UBE2E1: variants seen among roughly 807,000 people sequenced by gnomAD.
The protein encoded by UBE2E1 is ubiquitin conjugating enzyme E2 E1, also known as ubiquitin-conjugating enzyme E2 E1.
In UBE2E1, 6 loss-of-function variants were observed where a neutral mutation model predicts 21.4. That is an observed-to-expected ratio of 0.28 (90% confidence interval 0.15 to 0.55). The LOEUF is 0.55. UBE2E1 is among the 20% of genes least tolerant of loss of function. The pLI is 0.93. For missense variants in UBE2E1, 142 were observed against 236.5 expected, an observed-to-expected ratio of 0.60 and a Z score of 2.62; for synonymous variants, 87 against 82.7, an observed-to-expected ratio of 1.05 and a Z score of -0.28.
At chr3:23,878,883 A>T (rs1418118922) in intron 3 of UBE2E1, 3 of 335,856 alleles carry the variant, frequency 8.9e-6, no homozygotes, top group African/African-American at 6.5e-5. Flanking sequence ...AATAAATACA[A>T]TGCACTTGAA....
rs528124392 is a variant in UBE2E1 at position 23,842,725 on chromosome 3, G to A, written c.203+31215G>A. Among the ~76,000 whole-genome samples the A allele has an allele frequency of 5.3e-5, 8 of 152,222 alleles. No individual in the cohort carries two copies. The South Asian group carries it at 1.7e-3, about 32-fold the overall frequency. ...TCGGTTTTTAAAAATTTTAATTTTG[G>A]TTTTTGAAGTCACACATAAGTTTTT... On this transcript the variant is annotated intron_variant, in intron 3 of 5. Coordinates refer to ENST00000306627, the MANE Select transcript of UBE2E1 (RefSeq NM_003341.5). This position sits in a 1 kb window ranked among gnomAD's most constrained non-coding sequence, Gnocchi z 4.6.
At position 23,810,762 on chromosome 3, in the gene UBE2E1, C is replaced by T. The variant is rs1382558380; in HGVS notation, c.153-698C>T. ...CGGGCACCCTGTTCCCCTCCCCCGC[C>T]CGCAACTTCACCGGCGCGGCGCGAG... On this transcript the variant is annotated intron_variant, in intron 2 of 5. Transcript: ENST00000306627. The surrounding 1 kb of genome is among the most constrained non-coding windows in gnomAD (Gnocchi z 5.8). 3.6e-6 allele frequency: 1 copy of T among 276,632 alleles called. No individual in the cohort carries two copies. Among genetic ancestry groups the T allele is most frequent in the East Asian group, 6.2e-5 (1 of 16,210 alleles). The allele number at this position is 276,632 out of a possible 1,614,324, so 17.1% of individuals were successfully genotyped here.
At chr3:23,809,477 C>T (rs1699341616) in intron 2 of UBE2E1, among the ~76,000 whole-genome samples, 1 of 152,144 alleles carries the variant, frequency 6.6e-6, no homozygotes, top group Non-Finnish European at 1.5e-5. Flanking sequence ...GGTTTCTAAA[C>T]CGTGGGTAGA....
chr3:23,829,179 A>G (rs567595194), intron 3 of UBE2E1, among the ~76,000 whole-genome samples: 17 of 151,176 alleles, frequency 1.1e-4, no homozygotes, highest in Non-Finnish European at 2.2e-4. Context: ...AAAAAAAAAA[A>G]AGAGAGGGCC....
At chr3:23,880,690 A>G (rs1701017893) in intron 3 of UBE2E1, among the ~76,000 whole-genome samples, 1 of 152,240 alleles carries the variant, frequency 6.6e-6, no homozygotes, top group Admixed American at 6.5e-5. Context: ...AGTAGTCTGT[A>G]ATAAGTCTGT....
In UBE2E1 at chr3:23,810,793, G is replaced by A. The variant is rs1699372507; in HGVS notation, c.153-667G>A. 1 of 218,212 alleles carries A rather than the reference G, an allele frequency of 4.6e-6. No individual in the cohort carries two copies. Among genetic ancestry groups the A allele is most frequent in the Non-Finnish European group, 8.9e-6 (1 of 111,916 alleles). The allele number at this position is 218,212 out of a possible 1,614,324, so 13.5% of individuals were successfully genotyped here. ...CTTCACCGGCGCGGCGCGAGCCGTC[G>A]GGGGCGCGCGCGGGGTGGGGGCGGC... is the stretch of plus-strand genomic sequence containing the variant. On this transcript the variant is annotated intron_variant, in intron 2 of 5. Coordinates refer to ENST00000306627, the MANE Select transcript of UBE2E1 (RefSeq NM_003341.5). The surrounding 1 kb of genome is among the most constrained non-coding windows in gnomAD (Gnocchi z 5.8).
rs1354077774 is a variant in UBE2E1, at chr3:23,842,506, A to G, written c.203+30996A>G. ...GAATATACCTTTTTATTTTATTATC[A>G]TTTGCTATAAATATCACTAAACTTT... On this transcript the variant is annotated intron_variant, in intron 3 of 5. Coordinates refer to ENST00000306627, the MANE Select transcript of UBE2E1 (RefSeq NM_003341.5). The surrounding 1 kb of genome is among the most constrained non-coding windows in gnomAD (Gnocchi z 4.6). Among the ~76,000 whole-genome samples the G allele has an allele frequency of 6.6e-6, 1 of 151,972 alleles. No homozygotes were observed. Among genetic ancestry groups the G allele is most frequent in the Non-Finnish European group, 1.5e-5 (1 of 68,002 alleles).
chr3:23,817,213 C>T (rs148090481), intron 3 of UBE2E1, among the ~76,000 whole-genome samples: 3 of 152,084 alleles, frequency 2.0e-5, no homozygotes, highest in Non-Finnish European at 4.4e-5. Flanking sequence ...GAGGCCAAGG[C>T]GGGTAGATCA....
intron 3 of UBE2E1, chr3:23,866,570 G>A (rs1362954679): frequency 6.6e-6 from 1 of 152,110 alleles, no homozygotes; most frequent in Non-Finnish European, 1.5e-5. Context: ...GCAGCTTAGG[G>A]GCATAACGTT....
At chr3:23,889,005 C>T (rs1701274300) in intron 4 of UBE2E1, 107 bp from the exon 5 acceptor site, 1 of 1,136,510 alleles carries the variant, frequency 8.8e-7, no homozygotes, top group Non-Finnish European at 1.2e-6. Flanking sequence ...TTCTTGACAG[C>T]TTTAATTAAA....
chr3:23,850,687 T>G (rs1228010066), intron 3 of UBE2E1, among the ~76,000 whole-genome samples: 2 of 149,008 alleles, frequency 1.3e-5, no homozygotes, highest in Non-Finnish European at 3.0e-5. Flanking sequence ...GATTGTTTTT[T>G]TTTTTTTTTT....
chr3:23,811,701 TGAG>T (rs1443647110), intron 3 of UBE2E1, among the ~76,000 whole-genome samples, 191 bp downstream of exon 3: 2 of 152,216 alleles, frequency 1.3e-5, no homozygotes, highest in African/African-American at 4.8e-5. Flanking sequence ...TCAGTACTGT[TGAG>T]AAGAAGTAAT....
At position 23,807,432 on chromosome 3, in the gene UBE2E1, C is replaced by CTT; in HGVS notation, c.152+20_152+21dup. The CTT allele has an allele frequency of 7.6e-6, 11 of 1,444,022 alleles. No individual in the cohort carries two copies. Among genetic ancestry groups the CTT allele is most frequent in the African/African-American group, 1.4e-5 (1 of 69,188 alleles). The allele number at this position is 1,444,022 out of a possible 1,614,324, so 89.5% of individuals were successfully genotyped here. The stretch of plus-strand genomic sequence containing the variant: ...CACCAGCGCCAAGAGGTACTGTGCT[C>CTT]TTTTTTTTTTCCACAGGCTTCCTAT... On this transcript the variant is annotated intron_variant, in intron 2 of 5. Transcript: ENST00000306627.
chr3:23,842,198 G>GGGGCGTGTGT lies in UBE2E1; in HGVS notation c.203+30689_203+30690insGGCGTGTGTG, dbSNP rs1553637704. Reference sequence around the variant, plus strand: ...TATGTCATGACCCAGTAAGTGAAGGGGTGTGTGTGTGTGTGTGTGTGTGTG... The same window carrying GGGGCGTGTGT: ...TATGTCATGACCCAGTAAGTGAAGGGGGGCGTGTGTGTGTGTGTGTGTGTGTGTGTGTGTG... On this transcript the variant is annotated intron_variant, in intron 3 of 5. Coordinates refer to ENST00000306627, the MANE Select transcript of UBE2E1 (RefSeq NM_003341.5). The surrounding 1 kb of genome is among the most constrained non-coding windows in gnomAD (Gnocchi z 4.6). 9.6e-6 allele frequency among the ~76,000 whole-genome samples: 1 copy of GGGGCGTGTGT among 104,284 alleles called. No individual in the cohort carries two copies. The highest frequency in any genetic ancestry group is 1.0e-4 in the Admixed American group (1 of 9,650). The allele number at this position is 104,284 out of a possible 152,430, so 68.4% of individuals were successfully genotyped here. A position where few individuals can be genotyped will look rare whatever the true frequency, so the allele number is the denominator to read the frequency against.
chr3:23,813,260 G>A (rs146865991), intron 3 of UBE2E1, among the ~76,000 whole-genome samples: 51 of 152,218 alleles, frequency 3.4e-4, no homozygotes, highest in African/African-American at 1.2e-3. Context: ...AAAATACGAG[G>A]CATCTTCATT....
In UBE2E1 at chr3:23,834,855, T is replaced by C. The variant is rs565289248; in HGVS notation, c.203+23345T>C. 3.9e-5 allele frequency among the ~76,000 whole-genome samples: 6 copies of C among 152,360 alleles called. No homozygotes were observed. The South Asian group carries it at 1.2e-3, about 32-fold the overall frequency. On this transcript the variant is annotated intron_variant, in intron 3 of 5. Coordinates refer to ENST00000306627, the MANE Select transcript of UBE2E1 (RefSeq NM_003341.5). Reference sequence around the variant, plus strand: ...TTATAAATTTTTTAACTTAAAATATTAATGTAATGAAAGAAATCACTTTGG... The same window carrying C: ...TTATAAATTTTTTAACTTAAAATATCAATGTAATGAAAGAAATCACTTTGG...
chr3:23,882,812 G>A (rs553611973), intron 3 of UBE2E1, among the ~76,000 whole-genome samples: 2 of 152,336 alleles, frequency 1.3e-5, no homozygotes, highest in Admixed American at 6.5e-5. Flanking sequence ...GGCCAGTGGC[G>A]CCGGCCGGCT....
chr3:23,869,418 C>CGTGT (rs1300178679), intron 3 of UBE2E1, among the ~76,000 whole-genome samples: 3 of 39,840 alleles, frequency 7.5e-5, no homozygotes, highest in African/African-American at 3.4e-4. Context: ...TTGGTCTTTT[C>CGTGT]CTGTGTGTGT....
chr3:23,869,451 C>T (rs1283576681), intron 3 of UBE2E1, among the ~76,000 whole-genome samples: 2 of 122,958 alleles, frequency 1.6e-5, no homozygotes, highest in Non-Finnish European at 3.3e-5. Flanking sequence ...GTGTTAACTT[C>T]AGTGATGTCT....
Sources: allele counts gnomAD v4.1 joint callset (sites outside exome capture counted in the v4.1 genomes callset), GRCh38; gene constraint gnomAD v4.1.1; non-coding constraint Gnocchi (gnomAD v3.1); transcripts MANE v1.5; gene names NCBI Gene and HGNC (gene_info 2026-07-23, HGNC 2026-07-21).